Variants in RPRD1A observed in about 807,000 individuals in gnomAD.
RPRD1A encodes regulation of nuclear pre-mRNA domain containing 1A.
RPRD1A carries 9 observed loss-of-function variants against 37.8 expected under a neutral mutation model. The ratio of observed to expected loss-of-function variants is 0.24; its 90% CI spans 0.14 to 0.42. RPRD1A has a LOEUF of 0.42. Among genes scored for constraint, RPRD1A ranks in the 10% least tolerant of loss-of-function variants. The pLI, the probability that RPRD1A is intolerant of heterozygous loss-of-function variation, is 1.00. For missense variants in RPRD1A, 255 were observed against 371.0 expected, an observed-to-expected ratio of 0.69 and a Z score of 2.57; for synonymous variants, 138 against 139.7, an observed-to-expected ratio of 0.99 and a Z score of 0.08.
chr18:36,020,091 T>C (rs1384020711), intron 6 of RPRD1A, among the ~76,000 whole-genome samples: 1 of 152,146 alleles, frequency 6.6e-6, no homozygotes, highest in Non-Finnish European at 1.5e-5. Flanking sequence ...TGTTGGAAGA[T>C]GAGGACAGCT....
At chr18:36,039,947 G>C (rs1265487437) in intron 1 of RPRD1A, among the ~76,000 whole-genome samples, 1 of 152,060 alleles carries the variant, frequency 6.6e-6, no homozygotes, top group Non-Finnish European at 1.5e-5. Flanking sequence ...TGGGAGGAAT[G>C]AGCATTACTA....
At chr18:36,016,835 G>T (rs1910618675) in intron 6 of RPRD1A, among the ~76,000 whole-genome samples, 1 of 152,140 alleles carries the variant, frequency 6.6e-6, no homozygotes, top group African/African-American at 2.4e-5. Context: ...ATAATCACAT[G>T]AAAATTTTTA....
intron 1 of RPRD1A, among the ~76,000 whole-genome samples, chr18:36,051,620 T>C (rs571476080): frequency 6.6e-5 from 10 of 152,288 alleles, no homozygotes; most frequent in African/African-American, 2.4e-4. Context: ...ATTGTGTCTA[T>C]TGTATGCTAG....
chr18:36,006,972 T>C (rs1480378038), intron 6 of RPRD1A, among the ~76,000 whole-genome samples: 1 of 152,210 alleles, frequency 6.6e-6, no homozygotes, highest in East Asian at 1.9e-4. Flanking sequence ...CTGGCAGGCA[T>C]GAATAAAGCT....
chr18:36,061,110 G>A (rs1266706980), intron 1 of RPRD1A, among the ~76,000 whole-genome samples: 2 of 151,964 alleles, frequency 1.3e-5, no homozygotes, highest in Admixed American at 6.6e-5. Context: ...CCCTACCCCC[G>A]CAACTTGTTC....
At chr18:36,059,369 C>T (rs1472084339) in intron 1 of RPRD1A, among the ~76,000 whole-genome samples, 3 of 152,110 alleles carry the variant, frequency 2.0e-5, no homozygotes, top group African/African-American at 7.2e-5. Context: ...AACTCCTGAC[C>T]TCATGTGATC....
chr18:35,997,403 GA>G (rs1375755547), intron 6 of RPRD1A, among the ~76,000 whole-genome samples: 9 of 151,992 alleles, frequency 5.9e-5, no homozygotes, highest in African/African-American at 1.9e-4. Context: ...AAAAAAGAGG[GA>G]AAAAAATTCT....
At chr18:36,023,239 T>C (rs571662725) in intron 6 of RPRD1A, among the ~76,000 whole-genome samples, 27 of 152,362 alleles carry the variant, frequency 1.8e-4, no homozygotes, top group African/African-American at 6.0e-4. Flanking sequence ...ACATTCATGA[T>C]TCATGGGAGG....
rs1383003363 is a variant in RPRD1A, at chr18:35,993,267, C to T, written c.823G>A (p.Val275Met). 1 of 1,614,172 alleles carries T rather than the reference C, an allele frequency of 6.2e-7. No homozygotes were observed. Among genetic ancestry groups the T allele is most frequent in the South Asian group, 1.1e-5 (1 of 91,084 alleles). The change falls in exon 7 of 7, where the codon GTG (valine) becomes ATG (methionine). Residue 275 changes from valine to methionine, a missense_variant. Val to Met is a conservative substitution (Grantham distance 21). This residue lies in a region of RPRD1A where 211 missense variants were observed against 268.9 expected (regional missense o/e 0.78). Transcript: ENST00000399022. The stretch of plus-strand genomic sequence containing the variant: ...ATCCGGGACCTGAGTTCTTTGCGCA[C>T]CAGGGAAACTCTGGCTAGCTTGCGC... Reference protein sequence around the residue: ...YKRKLARVSLVRKELRSRIQS... With the variant: ...YKRKLARVSLMRKELRSRIQS...
intron 1 of RPRD1A, among the ~76,000 whole-genome samples, chr18:36,050,880 T>TA (rs1432850434): frequency 1.3e-5 from 2 of 151,470 alleles, no homozygotes; most frequent in Non-Finnish European, 2.9e-5. Flanking sequence ...TTTTTTTTTT[T>TA]ACTGCTTTTA....
chr18:36,046,415 C>T (rs1912956787), intron 1 of RPRD1A, among the ~76,000 whole-genome samples: 1 of 152,154 alleles, frequency 6.6e-6, no homozygotes, highest in Admixed American at 6.5e-5. Flanking sequence ...CTTCTCCCCT[C>T]CCCACGGTGT....
At chr18:36,045,652 T>G (rs1912900061) in intron 1 of RPRD1A, among the ~76,000 whole-genome samples, 1 of 152,222 alleles carries the variant, frequency 6.6e-6, no homozygotes, top group African/African-American at 2.4e-5. Flanking sequence ...ACTGAAAGAA[T>G]TAGACATTCG....
chr18:36,051,420 T>C (rs1197294857), intron 1 of RPRD1A, among the ~76,000 whole-genome samples: 1 of 152,200 alleles, frequency 6.6e-6, no homozygotes, highest in African/African-American at 2.4e-5. Flanking sequence ...TGGAAATTTT[T>C]CAGGTCTTTC....
intron 1 of RPRD1A, among the ~76,000 whole-genome samples, chr18:36,043,063 A>G (rs1336744026): frequency 6.6e-6 from 1 of 152,090 alleles, no homozygotes; most frequent in Non-Finnish European, 1.5e-5. Flanking sequence ...TCTACACAAT[A>G]TTCTGCAGCT....
chr18:36,032,998 G>A (rs1386650355), intron 2 of RPRD1A, among the ~76,000 whole-genome samples: 1 of 152,058 alleles, frequency 6.6e-6, no homozygotes, highest in Admixed American at 6.6e-5. Context: ...AAATTACCCA[G>A]AGGGCAAGTA....
intron 1 of RPRD1A, among the ~76,000 whole-genome samples, chr18:36,058,710 T>C (rs1304923012): frequency 2.6e-5 from 4 of 152,208 alleles, no homozygotes; most frequent in African/African-American, 7.2e-5. Flanking sequence ...CAGAAAATGG[T>C]CCACTTCTCA....
intron 1 of RPRD1A, among the ~76,000 whole-genome samples, chr18:36,046,413 CT>C (rs994157244): frequency 7.9e-5 from 12 of 152,180 alleles, no homozygotes; most frequent in African/African-American, 2.7e-4. Flanking sequence ...TCCTTCTCCC[CT>C]CCCCACGGTG....
At chr18:36,052,811 G>A (rs1157966967) in intron 1 of RPRD1A, 1 of 152,092 alleles carries the variant, frequency 6.6e-6, no homozygotes, top group East Asian at 1.9e-4. Flanking sequence ...TGTTGGCCAG[G>A]CTGGTCTTGA....
intron 1 of RPRD1A, among the ~76,000 whole-genome samples, chr18:36,064,845 G>A (rs1400362273): frequency 1.3e-5 from 2 of 152,044 alleles, no homozygotes; most frequent in Non-Finnish European, 1.5e-5. Flanking sequence ...CCGCCTTTAT[G>A]AGCTGTAACA....
Sources: gnomAD v4.1 joint callset for allele counts (sites outside exome capture counted in the v4.1 genomes callset) on GRCh38, gnomAD v4.1.1 for gene constraint, gnomAD v4.1.1 regional missense constraint, MANE v1.5 for transcripts, NCBI Gene and HGNC (gene_info 2026-07-23, HGNC 2026-07-21) for gene names.